The following DGKB variants were observed in gnomAD, a reference collection of about 807,000 sequenced individuals.
The protein encoded by DGKB is 90 kDa diacylglycerol kinase.
Under a neutral mutation model 114.3 loss-of-function variants are expected in DGKB, and 67 were observed. The observed-to-expected ratio is 0.59, with a 90% CI of 0.48 to 0.72. The LOEUF (loss-of-function observed/expected upper bound fraction) is 0.72, where lower values mean the gene tolerates loss of function less well. Ranked by LOEUF, DGKB falls within the 30% of genes least tolerant of loss-of-function variation. The pLI, the probability that DGKB is intolerant of heterozygous loss-of-function variation, is 0.00. For synonymous variants in DGKB, 398 were observed against 323.1 expected (o/e 1.23, Z -2.49); for missense variants, 907 against 975.2 (o/e 0.93, Z 0.93).
chr7:14,673,407 T>TG (rs1243650861), intron 12 of DGKB, among the ~76,000 whole-genome samples: 3 of 151,362 alleles, frequency 2.0e-5, no homozygotes, highest in Non-Finnish European at 3.0e-5. Flanking sequence ...ATGCTTTTTT[T>TG]TTTTTTTTTT....
chr7:14,653,702 A>G (rs1293015920), intron 13 of DGKB, among the ~76,000 whole-genome samples: 1 of 152,078 alleles, frequency 6.6e-6, no homozygotes, highest in African/African-American at 2.4e-5. Flanking sequence ...GAGTTATCCC[A>G]GGGTTGCAAA....
chr7:14,488,496 T>C (rs1272444325), intron 20 of DGKB, among the ~76,000 whole-genome samples: 5 of 151,984 alleles, frequency 3.3e-5, no homozygotes, highest in Non-Finnish European at 7.4e-5. Context: ...ATTAAAGAGA[T>C]GGAATTTCTC....
intron 20 of DGKB, among the ~76,000 whole-genome samples, chr7:14,554,442 T>G (rs2128651727): frequency 6.6e-6 from 1 of 152,336 alleles, no homozygotes; most frequent in Admixed American, 6.5e-5. Context: ...TGATAAATTT[T>G]TAGGTTTCCC....
intron 2 of DGKB, among the ~76,000 whole-genome samples, chr7:14,821,762 A>C (rs914493610): frequency 1.3e-5 from 2 of 152,088 alleles, no homozygotes; most frequent in African/African-American, 4.8e-5. Flanking sequence ...TTTTTCAAGG[A>C]ATTTATTGGC....
intron 1 of DGKB, among the ~76,000 whole-genome samples, chr7:14,970,715 G>A (rs1490046102): frequency 6.6e-6 from 1 of 152,008 alleles, no homozygotes; most frequent in Non-Finnish European, 1.5e-5. Context: ...TTCTCCCCCT[G>A]ACTCCCAAAG....
intron 15 of DGKB, 107 bp downstream of exon 15, chr7:14,621,271 C>T: frequency 4.5e-6 from 3 of 672,120 alleles, no homozygotes; most frequent in Non-Finnish European, 7.8e-6. Flanking sequence ...GTCTACTAAG[C>T]TAATATGCAG....
intron 23 of DGKB, among the ~76,000 whole-genome samples, chr7:14,268,251 C>A (rs946156516): frequency 6.6e-6 from 1 of 151,904 alleles, no homozygotes; most frequent in African/African-American, 2.4e-5. Flanking sequence ...CACTGCCTCT[C>A]TTCAAATATT....
intron 20 of DGKB, among the ~76,000 whole-genome samples, chr7:14,537,286 A>T (rs1792661975): frequency 6.6e-6 from 1 of 152,184 alleles, no homozygotes; most frequent in Non-Finnish European, 1.5e-5. Context: ...TCAAAATATC[A>T]AAGATATTTT....
At chr7:14,970,028 A>T (rs1165703711) in intron 1 of DGKB, among the ~76,000 whole-genome samples, 1 of 152,162 alleles carries the variant, frequency 6.6e-6, no homozygotes, top group East Asian at 1.9e-4. Flanking sequence ...CTGAAACATC[A>T]TTATGTGGCA....
intron 2 of DGKB, among the ~76,000 whole-genome samples, chr7:14,768,486 C>T (rs543636881): frequency 6.8e-6 from 1 of 146,626 alleles, no homozygotes; most frequent in East Asian, 1.9e-4. Flanking sequence ...GAACTTGCAG[C>T]CCCACATCTC....
chr7:14,797,563 T>C (rs187095356), intron 2 of DGKB, among the ~76,000 whole-genome samples: 363 of 152,226 alleles, frequency 2.4e-3, no homozygotes, highest in African/African-American at 7.8e-3. Flanking sequence ...TTTCAGAGGC[T>C]CTCCTTGTCT....
At chr7:14,635,942 G>C (rs1201873874) in intron 13 of DGKB, among the ~76,000 whole-genome samples, 1 of 151,468 alleles carries the variant, frequency 6.6e-6, no homozygotes, top group Non-Finnish European at 1.5e-5. Context: ...TAGCACTATA[G>C]GTAATGAAAG....
At chr7:14,444,620 C>A (rs1035948504) in intron 21 of DGKB, among the ~76,000 whole-genome samples, 6 of 151,770 alleles carry the variant, frequency 4.0e-5, no homozygotes, top group Non-Finnish European at 8.9e-5. Flanking sequence ...TAAATAACAT[C>A]TGATGTTTAT....
rs367613421 is a variant in DGKB, at chr7:14,531,746, G to T, written c.1770+42466C>A. Among the ~76,000 whole-genome samples the T allele has an allele frequency of 4.0e-5, 6 of 150,930 alleles. No individual in the cohort carries two copies. In the East Asian group the frequency reaches 1.2e-3, roughly 29 times the overall value. On this transcript the variant is annotated intron_variant, in intron 20 of 25. Transcript: ENST00000402815. ...GCCAAAAGATTTTGAAAAGGAAGAAGAAAATTGGAAAAGTTACACTATCTG... is the reference window on the plus strand; with the variant it reads ...GCCAAAAGATTTTGAAAAGGAAGAATAAAATTGGAAAAGTTACACTATCTG...
chr7:14,423,446 C>T (rs1215580459), intron 21 of DGKB, among the ~76,000 whole-genome samples: 1 of 151,934 alleles, frequency 6.6e-6, no homozygotes, highest in Non-Finnish European at 1.5e-5. Context: ...AACTATTATA[C>T]TTTTAGATTT....
intron 21 of DGKB, among the ~76,000 whole-genome samples, chr7:14,441,356 T>A (rs1245400796): frequency 4.6e-5 from 7 of 152,130 alleles, no homozygotes; most frequent in Non-Finnish European, 1.0e-4. Flanking sequence ...CCTCTTCATA[T>A]TCACAGAAGT....
chr7:14,883,574 T>C (rs111649762), intron 1 of DGKB, among the ~76,000 whole-genome samples: 2 of 151,936 alleles, frequency 1.3e-5, no homozygotes, highest in African/African-American at 4.8e-5. Context: ...TGTATGGAGA[T>C]TGAGATAGCT....
At chr7:14,557,806 A>G (rs1796086225) in intron 20 of DGKB, among the ~76,000 whole-genome samples, 1 of 151,562 alleles carries the variant, frequency 6.6e-6, no homozygotes, top group Admixed American at 6.6e-5. Context: ...TTATTTCCAA[A>G]TTTATTTCAT....
At chr7:14,652,350 T>C (rs983551074) in intron 13 of DGKB, among the ~76,000 whole-genome samples, 12 of 152,028 alleles carry the variant, frequency 7.9e-5, no homozygotes, top group African/African-American at 2.2e-4. Context: ...ACGCCGCATA[T>C]CTACAACTAT....
Sources: allele counts gnomAD v4.1 joint callset (sites outside exome capture counted in the v4.1 genomes callset), GRCh38; gene constraint gnomAD v4.1.1; transcripts MANE v1.5; gene names NCBI Gene and HGNC (gene_info 2026-07-23, HGNC 2026-07-21).